PRDM5: variants seen among roughly 807,000 people sequenced by gnomAD.
PRDM5 encodes the protein PR/SET domain 5.
A neutral mutation model predicts 81.2 loss-of-function variants in PRDM5; 56 were observed. That is an observed-to-expected ratio of 0.69 (90% CI 0.56 to 0.86). PRDM5 has a LOEUF of 0.86. Ranked by LOEUF, PRDM5 falls within the 40% of genes least tolerant of loss-of-function variation. The probability of loss-of-function intolerance (pLI) is 0.00; values close to 1 mark genes in which losing one functional copy is unlikely to be tolerated. For missense variants in PRDM5, 697 were observed against 770.1 expected, an observed-to-expected ratio of 0.91 and a Z score of 1.12; for synonymous variants, 267 against 256.4, an observed-to-expected ratio of 1.04 and a Z score of -0.39.
rs544594260 is a variant in PRDM5 at position 120,859,367 on chromosome 4, A to G, written c.178-5827T>C. On this transcript the variant is annotated intron_variant, in intron 2 of 15. Transcript: ENST00000264808. ...TAGCTGGGACTGGGACTACAGGTGCATGTCACCTTGCCCGGCTAATAATTT... is the reference window on the plus strand; with the variant it reads ...TAGCTGGGACTGGGACTACAGGTGCGTGTCACCTTGCCCGGCTAATAATTT... Among the ~76,000 whole-genome samples the G allele has an allele frequency of 5.9e-5, 9 of 151,908 alleles. No individual in the cohort carries two copies. In the South Asian group the frequency reaches 1.9e-3, roughly 32 times the overall value.
chr4:120,707,981 A>G (rs1450641621), intron 15 of PRDM5, among the ~76,000 whole-genome samples: 2 of 152,082 alleles, frequency 1.3e-5, no homozygotes, highest in South Asian at 2.1e-4. Context: ...ACCCACCAAG[A>G]TGGATAATTA....
At chr4:120,884,586 ATCTT>A (rs1763201863) in intron 2 of PRDM5, among the ~76,000 whole-genome samples, 1 of 152,176 alleles carries the variant, frequency 6.6e-6, no homozygotes, top group African/African-American at 2.4e-5. Flanking sequence ...GATACTTTTT[ATCTT>A]TCTAAGTAAA....
At chr4:120,824,666 C>T (rs187379110) in intron 3 of PRDM5, among the ~76,000 whole-genome samples, 1 of 151,632 alleles carries the variant, frequency 6.6e-6, no homozygotes, top group Admixed American at 6.6e-5. Context: ...ATTTTATTTG[C>T]ATGTTGTTTT....
In PRDM5 at chr4:120,785,310, T is replaced by C. The variant is rs528050927; in HGVS notation, c.1189-219A>G. 3.8e-4 allele frequency among the ~76,000 whole-genome samples: 58 copies of C among 151,488 alleles called. 1 individual carries two copies. Among genetic ancestry groups the C allele is most frequent in the African/African-American group, 1.4e-3 (56 of 41,270 alleles). ...TGAATGCTCACAGTAATTATTAACT[T>C]GATAAATAGTAAAAAAAAAATATTC... is the stretch of plus-strand genomic sequence containing the variant. On this transcript the variant is annotated intron_variant, in intron 10 of 15. Transcript: ENST00000264808.
chr4:120,788,553 T>C (rs1750098364), intron 10 of PRDM5, among the ~76,000 whole-genome samples: 1 of 152,232 alleles, frequency 6.6e-6, no homozygotes, highest in African/African-American at 2.4e-5. Context: ...AGCATCCAGG[T>C]TGGAACACAG....
chr4:120,914,447 T>A (rs1394768351), intron 1 of PRDM5, among the ~76,000 whole-genome samples: 2 of 151,900 alleles, frequency 1.3e-5, no homozygotes, highest in Non-Finnish European at 1.5e-5. Context: ...TCCAGAGTAT[T>A]TTTTTAAAGG....
intron 3 of PRDM5, among the ~76,000 whole-genome samples, chr4:120,827,106 C>T (rs966205124): frequency 7.9e-5 from 12 of 152,050 alleles, no homozygotes; most frequent in African/African-American, 2.4e-4. Context: ...GATGACAAAT[C>T]GACTCGCAAA....
At chr4:120,805,793 A>C (rs1752829587) in intron 8 of PRDM5, among the ~76,000 whole-genome samples, 1 of 152,210 alleles carries the variant, frequency 6.6e-6, no homozygotes, top group Non-Finnish European at 1.5e-5. Flanking sequence ...AATTGGCATA[A>C]GACAGGGATG....
chr4:120,782,936 T>G (rs2149244116), intron 11 of PRDM5, among the ~76,000 whole-genome samples: 1 of 152,270 alleles, frequency 6.6e-6, no homozygotes, highest in Admixed American at 6.5e-5. Context: ...CTTACCTTCC[T>G]TCTTTCATAC....
chr4:120,767,297 G>A (rs1746518894), intron 13 of PRDM5, among the ~76,000 whole-genome samples: 1 of 152,040 alleles, frequency 6.6e-6, no homozygotes, highest in South Asian at 2.1e-4. Flanking sequence ...ATGTATGAAG[G>A]AGACTGCCTT....
intron 13 of PRDM5, among the ~76,000 whole-genome samples, chr4:120,774,019 C>T (rs1220587952): frequency 6.6e-6 from 1 of 152,128 alleles, no homozygotes; most frequent in Non-Finnish European, 1.5e-5. Context: ...AACAAGTAAA[C>T]ATTTTTAAAT....
intron 13 of PRDM5, among the ~76,000 whole-genome samples, chr4:120,757,866 C>A (rs923243539): frequency 3.3e-5 from 5 of 149,704 alleles, no homozygotes; most frequent in Admixed American, 2.0e-4. Flanking sequence ...CCTCCTTCTT[C>A]TTCTTTCTCT....
chr4:120,905,656 C>T (rs964001409), intron 2 of PRDM5, among the ~76,000 whole-genome samples: 1 of 152,100 alleles, frequency 6.6e-6, no homozygotes, highest in Non-Finnish European at 1.5e-5. Context: ...TTCAGACTTG[C>T]TACCACCACA....
intron 10 of PRDM5, among the ~76,000 whole-genome samples, chr4:120,792,612 C>T (rs1341692647): frequency 6.6e-6 from 1 of 152,132 alleles, no homozygotes; most frequent in East Asian, 1.9e-4. Flanking sequence ...GAGACACCTA[C>T]ACTCTCAGGT....
downstream of PRDM5, among the ~76,000 whole-genome samples, chr4:120,687,805 A>G (rs1733892083): frequency 6.6e-6 from 1 of 152,114 alleles, no homozygotes; most frequent in Admixed American, 6.6e-5. Flanking sequence ...GATGAGTTCA[A>G]TCCCCTTTTC....
At chr4:120,787,539 G>C (rs1001516402) in intron 10 of PRDM5, among the ~76,000 whole-genome samples, 1 of 152,166 alleles carries the variant, frequency 6.6e-6, no homozygotes, top group Non-Finnish European at 1.5e-5. Flanking sequence ...CAGCAGGAGA[G>C]AGATAATTAG....
intron 2 of PRDM5, among the ~76,000 whole-genome samples, chr4:120,868,161 T>G (rs1455259024): frequency 1.3e-5 from 2 of 152,222 alleles, no homozygotes; most frequent in South Asian, 4.1e-4. Context: ...CTTGGGCTTT[T>G]TTACCTAAAC....
At chr4:120,802,114 GA>G (rs1474314436) in intron 8 of PRDM5, among the ~76,000 whole-genome samples, 1 of 152,078 alleles carries the variant, frequency 6.6e-6, no homozygotes, top group African/African-American at 2.4e-5. Flanking sequence ...GCTTCAACAT[GA>G]AACATTTTTC....
At chr4:120,800,939 A>G (rs1752037148) in intron 8 of PRDM5, among the ~76,000 whole-genome samples, 1 of 152,240 alleles carries the variant, frequency 6.6e-6, no homozygotes, top group South Asian at 2.1e-4. Flanking sequence ...TCCCTCCCAG[A>G]CACTAACACA....
Sources: allele counts gnomAD v4.1 joint callset (sites outside exome capture counted in the v4.1 genomes callset), GRCh38; gene constraint gnomAD v4.1.1; transcripts MANE v1.5; gene names NCBI Gene and HGNC (gene_info 2026-07-23, HGNC 2026-07-21).